The following DLGAP2 variants were observed in gnomAD, a reference collection of about 807,000 sequenced individuals.
The protein encoded by DLGAP2 is DLG associated protein 2.
DLGAP2 carries 26 observed loss-of-function variants against 100.3 expected under a neutral mutation model. The ratio of observed to expected loss-of-function variants is 0.26; its 90% CI spans 0.19 to 0.36. The LOEUF (loss-of-function observed/expected upper bound fraction) is 0.36. Among genes scored for constraint, DLGAP2 ranks in the 10% least tolerant of loss-of-function variants. DLGAP2 has a pLI of 1.00. For missense variants in DLGAP2, 1,858 were observed against 1,453.2 expected, an observed-to-expected ratio of 1.28 and a Z score of -4.53; for synonymous variants, 886 against 630.1, an observed-to-expected ratio of 1.41 and a Z score of -6.08.
At chr8:1,630,991 CCCG>C (rs1797629977) in intron 7 of DLGAP2, among the ~76,000 whole-genome samples, 1 of 148,586 alleles carries the variant, frequency 6.7e-6, no homozygotes, top group African/African-American at 2.5e-5. Context: ...GTCCGGGTGT[CCCG>C]AGGGTCTCGG....
At chr8:845,189 G>A (rs1200103734) in intron 1 of DLGAP2, among the ~76,000 whole-genome samples, 1 of 152,150 alleles carries the variant, frequency 6.6e-6, no homozygotes, top group Non-Finnish European at 1.5e-5. Context: ...CCTAGGAGTG[G>A]AATTGTTTGA....
At chr8:968,111 G>C (rs1056668160) in intron 2 of DLGAP2, among the ~76,000 whole-genome samples, 1 of 151,380 alleles carries the variant, frequency 6.6e-6, no homozygotes, top group Non-Finnish European at 1.5e-5. Flanking sequence ...CCTCAGTTTT[G>C]AATTTTAATT....
intron 1 of DLGAP2, among the ~76,000 whole-genome samples, chr8:774,854 A>G (rs1468430371): frequency 6.8e-6 from 1 of 146,014 alleles, no homozygotes; most frequent in Admixed American, 6.9e-5. Flanking sequence ...TTCCATATGA[A>G]CTTTAAAGTA....
intron 1 of DLGAP2, among the ~76,000 whole-genome samples, chr8:883,683 G>T (rs374829725): frequency 1.7e-3 from 262 of 151,712 alleles, no homozygotes; most frequent in African/African-American, 5.7e-3. Context: ...GTGCCGCGGC[G>T]GTTCGTTACG....
At position 1,346,835 on chromosome 8, in the gene DLGAP2, A is replaced by G. The variant is rs577058400; in HGVS notation, c.106+87952A>G. 6.9e-4 allele frequency among the ~76,000 whole-genome samples: 102 copies of G among 147,166 alleles called. 1 individual carries two copies. The highest frequency in any genetic ancestry group is 2.5e-3 in the African/African-American group (98 of 39,692). On this transcript the variant is annotated intron_variant, in intron 3 of 14. Coordinates refer to ENST00000637795, the MANE Select transcript of DLGAP2 (RefSeq NM_001346810.2). ...AGGTTGCGTTCCCATACAGAGCTGC[A>G]TTGCACTCATGGTAGCTGTGTGGAG... is the stretch of plus-strand genomic sequence containing the variant.
At chr8:811,690 C>T (rs918120018) in intron 1 of DLGAP2, among the ~76,000 whole-genome samples, 1 of 149,272 alleles carries the variant, frequency 6.7e-6, no homozygotes, top group Non-Finnish European at 1.5e-5. Flanking sequence ...TGGTGAGAGG[C>T]CACCAGCTTT....
intron 12 of DLGAP2, among the ~76,000 whole-genome samples, chr8:1,683,856 A>ATATATATGTATATATATATATG (rs1467438870): frequency 1.6e-5 from 1 of 62,242 alleles, no homozygotes; most frequent in African/African-American, 8.4e-5. Context: ...ATATATATAT[A>ATATATATGTATATATATATATG]TGTGTGTGTG....
intron 2 of DLGAP2, among the ~76,000 whole-genome samples, chr8:1,223,483 A>G (rs1369504153): frequency 6.6e-6 from 1 of 152,262 alleles, no homozygotes; most frequent in Non-Finnish European, 1.5e-5. Context: ...CTTCTACAAG[A>G]TGACTAAAAG....
At chr8:1,482,549 C>G (rs1471948528) in intron 3 of DLGAP2, among the ~76,000 whole-genome samples, 1 of 152,250 alleles carries the variant, frequency 6.6e-6, no homozygotes, top group Non-Finnish European at 1.5e-5. Flanking sequence ...TTGTAGTTAA[C>G]AAAAAAGGCT....
chr8:973,304 C>G (rs1450658815), intron 2 of DLGAP2, among the ~76,000 whole-genome samples: 1 of 151,566 alleles, frequency 6.6e-6, no homozygotes. Context: ...GGCTGTCCCC[C>G]CACCTCCCAG....
intron 2 of DLGAP2, among the ~76,000 whole-genome samples, chr8:1,149,542 A>T (rs1422160035): frequency 1.3e-5 from 2 of 152,140 alleles, no homozygotes; most frequent in Non-Finnish European, 2.9e-5. Flanking sequence ...TAATATTTGC[A>T]TGTTATGTCT....
chr8:1,603,197 C>G (rs10098115), intron 6 of DLGAP2, among the ~76,000 whole-genome samples: 1 of 135,284 alleles, frequency 7.4e-6, no homozygotes, highest in African/African-American at 2.8e-5. Flanking sequence ...GGCTGGGTCT[C>G]AGTTCTGCAG....
intron 1 of DLGAP2, among the ~76,000 whole-genome samples, chr8:806,366 C>T (rs912050103): frequency 3.3e-5 from 5 of 152,214 alleles, no homozygotes; most frequent in African/African-American, 7.2e-5. Flanking sequence ...TCTGCAGCAG[C>T]CGTGCCGCCA....
chr8:1,263,787 C>A (rs959799434), intron 3 of DLGAP2, among the ~76,000 whole-genome samples: 3 of 152,252 alleles, frequency 2.0e-5, no homozygotes, highest in South Asian at 4.2e-4. Flanking sequence ...AGGGAGGGCA[C>A]CACTGTTTCA....
intron 3 of DLGAP2, among the ~76,000 whole-genome samples, chr8:1,356,368 A>C (rs1801850593): frequency 1.3e-5 from 2 of 152,200 alleles, no homozygotes; most frequent in African/African-American, 4.8e-5. Context: ...TAGATGTTTA[A>C]AGCTCATTAA....
At chr8:1,024,474 A>C (rs13276094) in intron 2 of DLGAP2, among the ~76,000 whole-genome samples, 3 of 148,586 alleles carry the variant, frequency 2.0e-5, no homozygotes, top group African/African-American at 5.0e-5. Context: ...CCCGTGCCGA[A>C]GGAGACGCTC....
chr8:1,299,919 T>C (rs1800290468), intron 3 of DLGAP2: 1 of 152,164 alleles, frequency 6.6e-6, no homozygotes, highest in Non-Finnish European at 1.5e-5. Flanking sequence ...AAATTAATTT[T>C]CTCACCGTTC....
At chr8:1,309,672 C>G (rs964639856) in intron 3 of DLGAP2, among the ~76,000 whole-genome samples, 1 of 152,174 alleles carries the variant, frequency 6.6e-6, no homozygotes, top group African/African-American at 2.4e-5. Flanking sequence ...AATACAGGGA[C>G]GACCAGGAAA....
intron 3 of DLGAP2, among the ~76,000 whole-genome samples, chr8:1,426,132 C>T (rs1295457435): frequency 6.6e-6 from 1 of 152,140 alleles, no homozygotes; most frequent in Admixed American, 6.5e-5. Context: ...GGCTCAGCTG[C>T]TGGAGAAACT....
Sources: allele counts gnomAD v4.1 joint callset (sites outside exome capture counted in the v4.1 genomes callset), GRCh38; gene constraint gnomAD v4.1.1; transcripts MANE v1.5; gene names NCBI Gene and HGNC (gene_info 2026-07-23, HGNC 2026-07-21).